Variants in EIF2B3 observed in about 807,000 individuals in gnomAD.
EIF2B3 encodes the protein translation initiation factor eIF2B subunit gamma.
EIF2B3 carries 20 observed loss-of-function variants against 54.1 expected under a neutral mutation model. The observed-to-expected ratio is 0.37, with a 90% CI of 0.26 to 0.54. The LOEUF is 0.54. Ranked by LOEUF, EIF2B3 falls within the 20% of genes least tolerant of loss-of-function variation. The pLI is 0.86. For missense variants in EIF2B3, 448 were observed against 547.8 expected (o/e 0.82, Z 1.82); for synonymous variants, 153 against 188.1 (o/e 0.81, Z 1.52).
intron 3 of EIF2B3, among the ~76,000 whole-genome samples, chr1:44,956,796 G>A (rs574080450): frequency 1.3e-5 from 2 of 152,194 alleles, no homozygotes; most frequent in South Asian, 2.1e-4. Context: ...TGTTCATACC[G>A]TACACAAGAC....
intron 8 of EIF2B3, among the ~76,000 whole-genome samples, chr1:44,878,514 C>A (rs1655271590): frequency 6.6e-6 from 1 of 152,118 alleles, no homozygotes; most frequent in South Asian, 2.1e-4. Flanking sequence ...CCACCCGTCT[C>A]AGCCTCCCAA....
intron 3 of EIF2B3, among the ~76,000 whole-genome samples, chr1:44,946,063 G>A (rs1644098535): frequency 6.6e-6 from 1 of 152,188 alleles, no homozygotes; most frequent in Non-Finnish European, 1.5e-5. Flanking sequence ...GCATAATTGT[G>A]AACAGGCTGT....
At chr1:44,922,536 G>A (rs1173813370) in intron 5 of EIF2B3, among the ~76,000 whole-genome samples, 2 of 141,724 alleles carry the variant, frequency 1.4e-5, no homozygotes. Context: ...GCAGTGAGCT[G>A]AGATCACACC....
chr1:44,936,843 A>G (rs1251046314), intron 4 of EIF2B3, among the ~76,000 whole-genome samples: 2 of 152,240 alleles, frequency 1.3e-5, no homozygotes, highest in African/African-American at 2.4e-5. Context: ...AGCATCTACT[A>G]TCTTTCAGGT....
intron 3 of EIF2B3, among the ~76,000 whole-genome samples, chr1:44,950,213 A>C (rs925275025): frequency 1.3e-5 from 2 of 152,224 alleles, no homozygotes; most frequent in Admixed American, 6.5e-5. Context: ...GTTTGAGGCC[A>C]GGAGTTTGAA....
intron 5 of EIF2B3, among the ~76,000 whole-genome samples, chr1:44,914,458 G>A (rs1466447024): frequency 6.6e-6 from 1 of 152,026 alleles, no homozygotes; most frequent in Admixed American, 6.6e-5. Flanking sequence ...ACTGTGCCCA[G>A]CCAGAAAATT....
chr1:44,900,125 T>C (rs924601737), intron 5 of EIF2B3, among the ~76,000 whole-genome samples: 1 of 152,096 alleles, frequency 6.6e-6, no homozygotes, highest in African/African-American at 2.4e-5. Flanking sequence ...AAGTGGGAGC[T>C]AAACACTGAA....
rs144753041 is a variant in EIF2B3, at chr1:44,948,205, G to A, written c.295-6540C>T. On this transcript the variant is annotated intron_variant, in intron 3 of 11. Transcript: ENST00000360403. ...AACTCAGTCAGTAAGTAAGAAATGT[G>A]ATAATCCTTGGGCTCACAGCTAAAT... Among the ~76,000 whole-genome samples, 116 of 152,326 alleles carry A rather than the reference G, an allele frequency of 7.6e-4. 1 individual carries two copies. The highest frequency in any genetic ancestry group is 1.6e-3 in the Admixed American group (24 of 15,294).
intron 1 of EIF2B3, among the ~76,000 whole-genome samples, chr1:44,985,995 CAGGCTGAACAAATGAATGAAGGGCTG>C (rs761023483): frequency 7.9e-4 from 121 of 152,306 alleles, no homozygotes; most frequent in South Asian, 4.8e-3. Flanking sequence ...CAACTAAAGG[CAGGCTGAACAAATGAATGAAGGGCTG>C]AGGCTGAAAG....
chr1:44,869,599 T>G (rs1407712073), intron 10 of EIF2B3, among the ~76,000 whole-genome samples: 10 of 118,706 alleles, frequency 8.4e-5, no homozygotes, highest in African/African-American at 2.8e-4. Flanking sequence ...AGGCCTTTTT[T>G]TTTTTTTTTT....
intron 5 of EIF2B3, among the ~76,000 whole-genome samples, chr1:44,916,204 G>A (rs1643619327): frequency 6.6e-6 from 1 of 151,802 alleles, no homozygotes. Flanking sequence ...TCTTTATTTT[G>A]ACTCAATTCT....
chr1:44,868,643 C>A (rs1252740475), intron 10 of EIF2B3, among the ~76,000 whole-genome samples: 1 of 151,926 alleles, frequency 6.6e-6, no homozygotes, highest in Non-Finnish European at 1.5e-5. Context: ...CCCTGCCCAC[C>A]CACAGAAGGG....
chr1:44,952,119 C>T lies in EIF2B3; in HGVS notation c.295-10454G>A, dbSNP rs1384032220. The stretch of plus-strand genomic sequence containing the variant: ...CTGGGACTACAGGCGCCCGCCACTA[C>T]GCCCGGCTAATTTTTTTGTATTTTT... On this transcript the variant is annotated intron_variant, in intron 3 of 11. Transcript: ENST00000360403. 5.8e-5 allele frequency among the ~76,000 whole-genome samples: 8 copies of T among 137,784 alleles called. 2 individuals are homozygous for T. The highest frequency in any genetic ancestry group is 9.5e-5 in the Non-Finnish European group (6 of 63,196). 90.4% of individuals were successfully genotyped at this position (137,784 alleles called of 152,430 possible).
At chr1:44,851,684 G>T (rs1278174721) in intron 11 of EIF2B3, among the ~76,000 whole-genome samples, 3 of 152,056 alleles carry the variant, frequency 2.0e-5, no homozygotes, top group Non-Finnish European at 4.4e-5. Flanking sequence ...AGGAAATGAG[G>T]GGATAAGGGT....
At chr1:44,902,829 TAAA>T (rs11458839) in intron 5 of EIF2B3, among the ~76,000 whole-genome samples, 15,073 of 85,362 alleles carry the variant, frequency 0.18, 1,037 homozygotes, top group South Asian at 0.3. Flanking sequence ...ACTCTTTCTT[TAAA>T]AAAAAAAAAA....
intron 8 of EIF2B3, among the ~76,000 whole-genome samples, chr1:44,877,213 A>C (rs1291855375): frequency 4.7e-5 from 7 of 148,478 alleles, no homozygotes; most frequent in African/African-American, 1.2e-4. Context: ...AAAAAAAAAA[A>C]AAAAAAAAAC....
intron 5 of EIF2B3, among the ~76,000 whole-genome samples, chr1:44,898,857 A>AT (rs1225314564): frequency 2.6e-5 from 4 of 151,968 alleles, no homozygotes; most frequent in East Asian, 1.9e-4. Context: ...CAGCTGGCTA[A>AT]TTTTTTTTAT....
intron 10 of EIF2B3, among the ~76,000 whole-genome samples, chr1:44,870,528 T>A (rs1300406795): frequency 6.6e-6 from 1 of 152,226 alleles, no homozygotes; most frequent in Non-Finnish European, 1.5e-5. Flanking sequence ...TTTTCTTATG[T>A]CTAAAATTGC....
At chr1:44,967,440 C>CT (rs1454649819) in intron 3 of EIF2B3, among the ~76,000 whole-genome samples, 1 of 139,602 alleles carries the variant, frequency 7.2e-6, no homozygotes, top group Non-Finnish European at 1.5e-5. Context: ...GAGCGAGACT[C>CT]TGTCTCAAAA....
Sources: allele counts gnomAD v4.1 joint callset (sites outside exome capture counted in the v4.1 genomes callset), GRCh38; gene constraint gnomAD v4.1.1; transcripts MANE v1.5; gene names NCBI Gene and HGNC (gene_info 2026-07-23, HGNC 2026-07-21).